The following UNC80 variants were observed in gnomAD, a reference collection of about 807,000 sequenced individuals.
UNC80 encodes unc-80 subunit of NALCN channel complex, also known as protein unc-80 homolog.
UNC80 carries 164 observed loss-of-function variants against 384.6 expected under a neutral mutation model. The observed-to-expected ratio is 0.43, with a 90% CI of 0.38 to 0.49. UNC80 has a LOEUF of 0.49. Among genes scored for constraint, UNC80 ranks in the 20% least tolerant of loss-of-function variants. The pLI is 0.00. For missense variants in UNC80, 3,330 were observed against 4,143.0 expected (o/e 0.80, Z 5.39); for synonymous variants, 1,486 against 1,527.8 (o/e 0.97, Z 0.64).
Position 209,922,265 on chromosome 2 carries a change from C to G in UNC80, c.5544C>G (p.Thr1848=), listed in dbSNP as rs371407676. ...TTTGTTTGCCAGTAGAAGAAGTCAC[C>G]AATCTGGCATCCCGTCGACTGTCTG... The part of the protein sequence containing the change: ...SEPEEEVEEV[T]NLASRRLSVS... The change falls in exon 35 of 65, where the codon ACC becomes ACG. Residue 1848 remains threonine (T), a synonymous_variant. Coordinates refer to ENST00000673920, the MANE Select transcript of UNC80 (RefSeq NM_001371986.1). The G allele has an allele frequency of 1.9e-6, 3 of 1,551,932 alleles. No individual in the cohort carries two copies. Among genetic ancestry groups the G allele is most frequent in the East Asian group, 4.9e-5 (2 of 40,926 alleles).
intron 43 of UNC80, 56 bp from the exon 44 acceptor site, chr2:209,941,165 T>C (rs543516219): frequency 2.1e-6 from 3 of 1,452,268 alleles, no homozygotes; most frequent in East Asian, 2.5e-5. Flanking sequence ...TCACCTCTCA[T>C]GCTGACAGGA....
intron 32 of UNC80, 67 bp downstream of exon 32, chr2:209,918,025 A>G (rs1010910381): frequency 8.2e-6 from 12 of 1,459,576 alleles, no homozygotes; most frequent in African/African-American, 2.8e-5. Context: ...TAAACCGTTG[A>G]ACCTCAAAGT....
At chr2:209,776,314 G>A (rs1428598008) in intron 3 of UNC80, among the ~76,000 whole-genome samples, 2 of 152,164 alleles carry the variant, frequency 1.3e-5, no homozygotes, top group Non-Finnish European at 2.9e-5. Context: ...GGGTGTGGTG[G>A]CTCATGCCTG....
chr2:209,995,397 C>T lies in UNC80; in HGVS notation c.9777C>T (p.His3259=), dbSNP rs1559458756. 6.4e-6 allele frequency: 10 copies of T among 1,552,052 alleles called. No individual in the cohort carries two copies. In the South Asian group the frequency reaches 1.1e-4, roughly 17 times the overall value. ...EDTEAQGATA[H]SPLSAQLSDP... ...CAGAAGCACAAGGTGCTACTGCACACAGTCCACTCTCTGCCCAACTCTCTG... is the reference window on the plus strand; with the variant it reads ...CAGAAGCACAAGGTGCTACTGCACATAGTCCACTCTCTGCCCAACTCTCTG... The change falls in exon 65 of 65, where the codon CAC becomes CAT. Residue 3259 remains histidine, a synonymous_variant. Coordinates refer to ENST00000673920, the MANE Select transcript of UNC80 (RefSeq NM_001371986.1).
Position 209,941,399 on chromosome 2 carries a change from G to C in UNC80, c.6825G>C (p.Gln2275His). The C allele has an allele frequency of 2.6e-6, 4 of 1,549,996 alleles. No homozygotes were observed. The highest frequency in any genetic ancestry group is 3.5e-6 in the Non-Finnish European group (4 of 1,146,088). The change falls in exon 44 of 65, where the codon CAG becomes CAC. Residue 2275 changes from glutamine (Q) to histidine (H), a missense_variant. Physicochemically the swap from Gln to His is conservative, Grantham distance 24 (BLOSUM62 0). Around this residue, in one of 8 missense-constraint regions of UNC80, gnomAD observed 1,049 missense variants for 1,488.6 expected, o/e 0.70. Transcript: ENST00000673920. ...LHPEDSALLR[Q>H]YAATVINTAV... Reference sequence around the variant, plus strand: ...CGGAAGACAGTGCCCTGCTCAGGCAGTATGCTGCCACCGTCATCAACACCG... The same window carrying C: ...CGGAAGACAGTGCCCTGCTCAGGCACTATGCTGCCACCGTCATCAACACCG...
chr2:209,817,510 T>A (rs927507049), intron 10 of UNC80, among the ~76,000 whole-genome samples: 2 of 151,704 alleles, frequency 1.3e-5, no homozygotes, highest in African/African-American at 4.8e-5. Context: ...ATATATATTT[T>A]CTTTCTGGAT....
At chr2:209,809,303 T>C in intron 7 of UNC80, 8 of 759,234 alleles carry the variant, frequency 1.1e-5, no homozygotes, top group Non-Finnish European at 1.5e-5. Flanking sequence ...AAGAAACACA[T>C]CCGAAGCCAC....
chr2:209,776,318 A>G (rs2076861428), intron 3 of UNC80, among the ~76,000 whole-genome samples: 1 of 152,230 alleles, frequency 6.6e-6, no homozygotes, highest in Admixed American at 6.5e-5. Context: ...GTGGTGGCTC[A>G]TGCCTGTAAT....
At chr2:209,874,369 A>G (rs745647055) in intron 23 of UNC80, among the ~76,000 whole-genome samples, 3 of 152,286 alleles carry the variant, frequency 2.0e-5, no homozygotes, top group East Asian at 1.9e-4. Context: ...AACAGTCACA[A>G]TTGATAATCC....
chr2:209,935,045 T>G (rs1277892396), intron 39 of UNC80, among the ~76,000 whole-genome samples: 2 of 152,196 alleles, frequency 1.3e-5, no homozygotes, highest in Admixed American at 6.5e-5. Context: ...ATACAGAAAA[T>G]GTAGCTTTCA....
intron 61 of UNC80, 47 bp downstream of exon 61, chr2:209,984,959 T>TAGTTTCCC: frequency 6.7e-7 from 1 of 1,482,492 alleles, no homozygotes; most frequent in Non-Finnish European, 9.2e-7. Flanking sequence ...GCTGGGAAAC[T>TAGTTTCCC]AGCTGTTCCC....
intron 13 of UNC80, among the ~76,000 whole-genome samples, chr2:209,822,033 C>T (rs1462349253): frequency 6.6e-6 from 1 of 152,138 alleles, no homozygotes; most frequent in East Asian, 1.9e-4. Context: ...TCATTTCTTT[C>T]GAGTCCCACT....
At chr2:209,896,624 GT>G (rs1197986727) in intron 28 of UNC80, among the ~76,000 whole-genome samples, 3 of 152,256 alleles carry the variant, frequency 2.0e-5, no homozygotes, top group Non-Finnish European at 2.9e-5. Flanking sequence ...CTAAGACCAA[GT>G]TTTTTTGGTT....
At chr2:209,992,315 C>A in intron 62 of UNC80, 68 bp downstream of exon 62, 2 of 1,402,302 alleles carry the variant, frequency 1.4e-6, no homozygotes, top group Non-Finnish European at 9.8e-7. Flanking sequence ...TTTTTAATGC[C>A]CATGTATATT....
chr2:209,837,805 TC>T (rs1476500466), intron 18 of UNC80, among the ~76,000 whole-genome samples: 2 of 150,678 alleles, frequency 1.3e-5, no homozygotes, highest in African/African-American at 4.9e-5. Context: ...GGAGTCTCGC[TC>T]TTTCGCCCAG....
At chr2:209,958,440 C>T (rs1048526290) in intron 49 of UNC80, among the ~76,000 whole-genome samples, 5 of 152,198 alleles carry the variant, frequency 3.3e-5, no homozygotes, top group African/African-American at 1.2e-4. Flanking sequence ...TTTTCACTCT[C>T]TCTGAAGCCT....
intron 58 of UNC80, 91 bp downstream of exon 58, chr2:209,977,169 G>A: frequency 7.9e-7 from 1 of 1,270,440 alleles, no homozygotes; most frequent in Non-Finnish European, 1.0e-6. Context: ...CACACTTTTT[G>A]GAACTATGAA....
Position 209,937,888 on chromosome 2 carries a change from A to AT in UNC80, c.6465+260dup, listed in dbSNP as rs111963722. Among the ~76,000 whole-genome samples, 751 of 152,272 alleles carry AT rather than the reference A, an allele frequency of 4.9e-3. 6 individuals are homozygous for AT. Among genetic ancestry groups the AT allele is most frequent in the African/African-American group, 0.017 (719 of 41,548 alleles). ...GAGTATAAATAATAGAAATCTCCTA[A>AT]TTATTTACCTATTATTTTCTATATG... On this transcript the variant is annotated intron_variant, in intron 42 of 64. Coordinates refer to ENST00000673920, the MANE Select transcript of UNC80 (RefSeq NM_001371986.1).
intron 3 of UNC80, among the ~76,000 whole-genome samples, chr2:209,776,302 C>G (rs190011750): frequency 6.6e-6 from 1 of 152,092 alleles, no homozygotes; most frequent in African/African-American, 2.4e-5. Flanking sequence ...TTAAGATAGG[C>G]TGGGTGTGGT....
Sources: gnomAD v4.1 joint callset for allele counts (sites outside exome capture counted in the v4.1 genomes callset) on GRCh38, gnomAD v4.1.1 for gene constraint, gnomAD v4.1.1 regional missense constraint, MANE v1.5 for transcripts, NCBI Gene and HGNC (gene_info 2026-07-23, HGNC 2026-07-21) for gene names.